Variants in PPARA observed in about 807,000 individuals in gnomAD.
PPARA encodes the protein peroxisome proliferator-activated receptor alpha.
A neutral mutation model predicts 42.2 loss-of-function variants in PPARA; 22 were observed. The observed-to-expected ratio is 0.52, with a 90% CI of 0.37 to 0.74. The LOEUF (loss-of-function observed/expected upper bound fraction) is 0.74, where lower values mean the gene tolerates loss of function less well. Among genes scored for constraint, PPARA ranks in the 30% least tolerant of loss-of-function variants. The pLI is 0.00. For missense variants in PPARA, 465 were observed against 608.2 expected (o/e 0.76, Z 2.48); for synonymous variants, 242 against 239.3 (o/e 1.01, Z -0.10).
Position 46,235,415 on chromosome 22 carries a change from T to C in PPARA, c.*35T>C. ...GATCAGCCACACCTTTTCCAGGAGT[T>C]CTGAAGCTGACAGCACTACAAAGGA... On this transcript the variant is annotated 3_prime_UTR_variant, in exon 9 of 9. Coordinates refer to ENST00000407236, the MANE Select transcript of PPARA (RefSeq NM_005036.6). This position sits in a 1 kb window ranked among gnomAD's most constrained non-coding sequence, Gnocchi z 7.0. The C allele has an allele frequency of 6.2e-7, 1 of 1,609,456 alleles. No homozygotes were observed. Among genetic ancestry groups the C allele is most frequent in the Non-Finnish European group, 8.5e-7 (1 of 1,178,564 alleles).
At chr22:46,177,496 A>G (rs982273563) in intron 3 of PPARA, among the ~76,000 whole-genome samples, 5 of 151,998 alleles carry the variant, frequency 3.3e-5, no homozygotes, top group Admixed American at 2.6e-4. Flanking sequence ...ATAGTATCAT[A>G]TCCTCCAGGA....
rs984132707 is a variant in PPARA at position 46,241,450 on chromosome 22, A to G, written c.*6070A>G. On this transcript the variant is annotated 3_prime_UTR_variant, in exon 9 of 9. Coordinates refer to ENST00000407236, the MANE Select transcript of PPARA (RefSeq NM_005036.6). The surrounding 1 kb of genome is among the most constrained non-coding windows in gnomAD (Gnocchi z 5.7). ...ATTACATAATGATTTCCATTACGCTATTTCTGTGAAATGCAGCAGGTTCTT... is the reference window on the plus strand; with the variant it reads ...ATTACATAATGATTTCCATTACGCTGTTTCTGTGAAATGCAGCAGGTTCTT... 1.3e-5 allele frequency: 2 copies of G among 152,224 alleles called. No individual in the cohort carries two copies. Among genetic ancestry groups the G allele is most frequent in the African/African-American group, 4.8e-5 (2 of 41,462 alleles). The allele number at this position is 152,224 out of a possible 1,614,324, so 9.4% of individuals were successfully genotyped here.
At chr22:46,226,401 G>C (rs1265845390) in intron 7 of PPARA, among the ~76,000 whole-genome samples, 25 of 152,160 alleles carry the variant, frequency 1.6e-4, no homozygotes, top group Admixed American at 1.6e-3. Context: ...TGATAATAAC[G>C]TTGTCCTGCT....
Position 46,184,198 on chromosome 22 carries a change from T to A in PPARA, c.-43+7362T>A, listed in dbSNP as rs1461201407. On this transcript the variant is annotated intron_variant, in intron 3 of 8. Coordinates refer to ENST00000407236, the MANE Select transcript of PPARA (RefSeq NM_005036.6). The surrounding 1 kb of genome is among the most constrained non-coding windows in gnomAD (Gnocchi z 4.4). ...ATGATGATTTGATGATGACTTCATT[T>A]TTATAAAACAATAATATTGCAGTGC... is the stretch of plus-strand genomic sequence containing the variant. Among the ~76,000 whole-genome samples, 1 of 152,186 alleles carries A rather than the reference T, an allele frequency of 6.6e-6. No homozygotes were observed. Among genetic ancestry groups the A allele is most frequent in the African/African-American group, 2.4e-5 (1 of 41,444 alleles).
In PPARA at chr22:46,219,983, T is replaced by A. The variant is rs1800234; in HGVS notation, c.680T>A (p.Val227Asp). ...AACATGAACAAGGTCAAAGCCCGGG[T>A]CATCCTCTCAGGAAAGGCCAGTAAC... is the stretch of plus-strand genomic sequence containing the variant. Reference protein sequence around the residue: ...NFNMNKVKARVILSGKASNNP... With the variant: ...NFNMNKVKARDILSGKASNNP... Residue 227 changes from valine (V) to aspartate (D), a missense_variant, in exon 7 of 9, where the codon GTC (valine) becomes GAC (aspartate). Val to Asp is a radical substitution (Grantham distance 152). Transcript: ENST00000407236. This position sits in a 1 kb window ranked among gnomAD's most constrained non-coding sequence, Gnocchi z 4.8. The A allele has an allele frequency of 6.2e-7, 1 of 1,614,030 alleles. No homozygotes were observed.
At chr22:46,166,740 T>C (rs1370851020) in intron 2 of PPARA, among the ~76,000 whole-genome samples, 1 of 152,042 alleles carries the variant, frequency 6.6e-6, no homozygotes, top group African/African-American at 2.4e-5. Flanking sequence ...TTAAAAGACC[T>C]AAATAAATGG....
chr22:46,163,951 C>T lies in PPARA; in HGVS notation c.-127+11981C>T, dbSNP rs1569186734. 1 of 152,336 alleles carries T rather than the reference C, an allele frequency of 6.6e-6. No individual in the cohort carries two copies. The highest frequency in any genetic ancestry group is 1.5e-5 in the Non-Finnish European group (1 of 68,194). 9.4% of individuals were successfully genotyped at this position (152,336 alleles called of 1,614,324 possible). On this transcript the variant is annotated intron_variant, in intron 2 of 8. Coordinates refer to ENST00000407236, the MANE Select transcript of PPARA (RefSeq NM_005036.6). The surrounding 1 kb of genome is among the most constrained non-coding windows in gnomAD (Gnocchi z 4.9). ...GTCAGGTTGACCGAGTGCGGTGGCT[C>T]ACGCTTGTAATCCCAGCACTTTGGG...
rs557070880 is a variant in PPARA at position 46,232,812 on chromosome 22, C to CAA, written c.1159+583_1159+584dup. Among the ~76,000 whole-genome samples, 2 of 136,970 alleles carry CAA rather than the reference C, an allele frequency of 1.5e-5. No homozygotes were observed. The highest frequency in any genetic ancestry group is 5.4e-5 in the African/African-American group (2 of 37,238). The allele number at this position is 136,970 out of a possible 152,430, so 89.9% of individuals were successfully genotyped here. ...GCAACATGGCAAGACCCCGTCTCTACAAAAAAAAAAATAGAAAAAATTAGT... is the reference window on the plus strand; with the variant it reads ...GCAACATGGCAAGACCCCGTCTCTACAAAAAAAAAAAAATAGAAAAAATTAGT... On this transcript the variant is annotated intron_variant, in intron 8 of 8. Coordinates refer to ENST00000407236, the MANE Select transcript of PPARA (RefSeq NM_005036.6). The surrounding 1 kb of genome is among the most constrained non-coding windows in gnomAD (Gnocchi z 5.3).
Position 46,190,781 on chromosome 22 carries a change from A to G in PPARA, c.-42-7561A>G, listed in dbSNP as rs1021506309. ...AAAAAAGTTTTGAGTGTGAAAATTCAAGCTCAATTCCATTTGTTGGTTGTC... is the reference window on the plus strand; with the variant it reads ...AAAAAAGTTTTGAGTGTGAAAATTCGAGCTCAATTCCATTTGTTGGTTGTC... On this transcript the variant is annotated intron_variant, in intron 3 of 8. Coordinates refer to ENST00000407236, the MANE Select transcript of PPARA (RefSeq NM_005036.6). The surrounding 1 kb of genome is among the most constrained non-coding windows in gnomAD (Gnocchi z 5.6). Among the ~76,000 whole-genome samples, 3 of 152,118 alleles carry G rather than the reference A, an allele frequency of 2.0e-5. No individual in the cohort carries two copies. The highest frequency in any genetic ancestry group is 4.4e-5 in the Non-Finnish European group (3 of 67,996).
rs997584227 is a variant in PPARA at position 46,230,587 on chromosome 22, G to A, written c.712-1205G>A. ...TGAGCATGTTGGCTTCAAATAATATGGCCAGCCACCTCTTCCACCACGAGA... is the reference window on the plus strand; with the variant it reads ...TGAGCATGTTGGCTTCAAATAATATAGCCAGCCACCTCTTCCACCACGAGA... On this transcript the variant is annotated intron_variant, in intron 7 of 8. Transcript: ENST00000407236. This position sits in a 1 kb window ranked among gnomAD's most constrained non-coding sequence, Gnocchi z 5.0. Among the ~76,000 whole-genome samples, 7 of 152,096 alleles carry A rather than the reference G, an allele frequency of 4.6e-5. No individual in the cohort carries two copies. Among genetic ancestry groups the A allele is most frequent in the Admixed American group, 4.6e-4 (7 of 15,270 alleles).
rs987418413 is a variant in PPARA, at chr22:46,195,652, C to A, written c.-42-2690C>A. On this transcript the variant is annotated intron_variant, in intron 3 of 8. Transcript: ENST00000407236. The surrounding 1 kb of genome is among the most constrained non-coding windows in gnomAD (Gnocchi z 4.6). Reference sequence around the variant, plus strand: ...AAAGCTGTTGTTTACATGAAGCAAACCTCAAATGTGAACATATTTTTACGC... The same window carrying A: ...AAAGCTGTTGTTTACATGAAGCAAAACTCAAATGTGAACATATTTTTACGC... Among the ~76,000 whole-genome samples, 13 of 152,218 alleles carry A rather than the reference C, an allele frequency of 8.5e-5. No homozygotes were observed. The highest frequency in any genetic ancestry group is 1.9e-4 in the Non-Finnish European group (13 of 68,038).
rs554522817 is a variant in PPARA at position 46,191,501 on chromosome 22, T to C, written c.-42-6841T>C. 2.3e-4 allele frequency among the ~76,000 whole-genome samples: 34 copies of C among 150,878 alleles called. No homozygotes were observed. Among genetic ancestry groups the C allele is most frequent in the African/African-American group, 5.2e-4 (21 of 40,762 alleles). On this transcript the variant is annotated intron_variant, in intron 3 of 8. Transcript: ENST00000407236. The surrounding 1 kb of genome is among the most constrained non-coding windows in gnomAD (Gnocchi z 4.6). ...TTCAGTATGGTTTTTTTTTTTTTTTTCCTTTTGCTGGCTTTGTTTTCCTGT... is the reference window on the plus strand; with the variant it reads ...TTCAGTATGGTTTTTTTTTTTTTTTCCCTTTTGCTGGCTTTGTTTTCCTGT...
chr22:46,153,240 G>A (rs972582483), intron 2 of PPARA, among the ~76,000 whole-genome samples: 14 of 137,512 alleles, frequency 1.0e-4, no homozygotes, highest in South Asian at 6.9e-4. Context: ...CATGATCTTG[G>A]CTCACCGCAA....
At chr22:46,198,299 T>G (rs1932559538) in intron 3 of PPARA, 43 bp from the exon 4 acceptor site, 6 of 980,080 alleles carry the variant, frequency 6.1e-6, no homozygotes, top group Admixed American at 2.0e-5. Context: ...CAAGTGAACG[T>G]TGTTATACGT....
rs1931878947 is a variant in PPARA at position 46,193,898 on chromosome 22, C to A, written c.-42-4444C>A. ...GATGGTTGGTTATGCCTTGATCCCC[C>A]CCAGAGCATTTGGGGCATAGGACAC... On this transcript the variant is annotated intron_variant, in intron 3 of 8. Coordinates refer to ENST00000407236, the MANE Select transcript of PPARA (RefSeq NM_005036.6). This position sits in a 1 kb window ranked among gnomAD's most constrained non-coding sequence, Gnocchi z 5.3. 6.6e-6 allele frequency among the ~76,000 whole-genome samples: 1 copy of A among 152,212 alleles called. No homozygotes were observed. The highest frequency in any genetic ancestry group is 1.5e-5 in the Non-Finnish European group (1 of 68,038).
intron 3 of PPARA, among the ~76,000 whole-genome samples, chr22:46,185,913 AAAAATATATATAT>A (rs1930644438): frequency 3.5e-5 from 2 of 57,262 alleles, no homozygotes; most frequent in Admixed American, 5.4e-4. Flanking sequence ...AAAAAAAAAA[AAAAATATATATAT>A]ATATATATAT....
rs1187201091 is a variant in PPARA, at chr22:46,204,731, ACACTATT to A, written c.208+6141_208+6147del. ...TTGCTTTTCTACTATTCACTATTGA[ACACTATT>A]TATATATTTTGAATACAAATACTTT... On this transcript the variant is annotated intron_variant, in intron 4 of 8. Transcript: ENST00000407236. The surrounding 1 kb of genome is among the most constrained non-coding windows in gnomAD (Gnocchi z 5.2). Among the ~76,000 whole-genome samples, 3 of 152,108 alleles carry A rather than the reference ACACTATT, an allele frequency of 2.0e-5. No individual in the cohort carries two copies. Among genetic ancestry groups the A allele is most frequent in the Non-Finnish European group, 4.4e-5 (3 of 68,030 alleles).
chr22:46,174,008 T>TGGCCAACATGGTGAAACCCCGA (rs56983115), intron 2 of PPARA, among the ~76,000 whole-genome samples: 1 of 144,186 alleles, frequency 6.9e-6, no homozygotes, highest in South Asian at 2.2e-4. Flanking sequence ...ATCGAGACCC[T>TGGCCAACATGGTGAAACCCCGA]CTCTACTAAA....
In PPARA at chr22:46,243,101, C is replaced by G. The variant is rs1936420232; in HGVS notation, c.*7721C>G. The G allele has an allele frequency of 6.6e-6, 1 of 152,580 alleles. No homozygotes were observed. Among genetic ancestry groups the G allele is most frequent in the African/African-American group, 2.4e-5 (1 of 41,456 alleles). 9.5% of individuals were successfully genotyped at this position (152,580 alleles called of 1,614,324 possible). On this transcript the variant is annotated 3_prime_UTR_variant, in exon 9 of 9. Coordinates refer to ENST00000407236, the MANE Select transcript of PPARA (RefSeq NM_005036.6). This position sits in a 1 kb window ranked among gnomAD's most constrained non-coding sequence, Gnocchi z 5.0. ...AGGTGGCCCAACCCAAAGCAGAAAG[C>G]AGAAACCACAGACCCCGTGAGTCTC... is the stretch of plus-strand genomic sequence containing the variant.
Sources: allele counts gnomAD v4.1 joint callset (sites outside exome capture counted in the v4.1 genomes callset), GRCh38; gene constraint gnomAD v4.1.1; non-coding constraint Gnocchi (gnomAD v3.1); transcripts MANE v1.5; gene names NCBI Gene and HGNC (gene_info 2026-07-23, HGNC 2026-07-21).